Variants in STARD13 observed in about 807,000 individuals in gnomAD.
STARD13 encodes stAR-related lipid transfer protein 13.
In STARD13, 62 loss-of-function variants were observed where a neutral mutation model predicts 106.4. That is an observed-to-expected ratio of 0.58 (90% CI 0.48 to 0.72). The LOEUF (loss-of-function observed/expected upper bound fraction) is 0.72, where lower values mean the gene tolerates loss of function less well. Ranked by LOEUF, STARD13 falls within the 30% of genes least tolerant of loss-of-function variation. The pLI is 0.00. For synonymous variants in STARD13, 565 were observed against 553.0 expected (o/e 1.02, Z -0.31); for missense variants, 1,387 against 1,424.0 (o/e 0.97, Z 0.42).
chr13:33,605,707 A>G, the STARD13 span, among the ~76,000 whole-genome samples: 5 of 152,146 alleles, frequency 3.3e-5, no homozygotes, highest in African/African-American at 1.2e-4. Flanking sequence ...ACTGTGCATA[A>G]TATTTTCATA....
At chr13:33,304,320 G>A (rs1216174817) in intron 1 of STARD13, among the ~76,000 whole-genome samples, 1 of 151,970 alleles carries the variant, frequency 6.6e-6, no homozygotes, top group Non-Finnish European at 1.5e-5. Flanking sequence ...TTCATTTAGA[G>A]GGCTTTTAGT....
chr13:33,163,723 CAT>C (rs767139550), intron 3 of STARD13, among the ~76,000 whole-genome samples: 5 of 54,890 alleles, frequency 9.1e-5, no homozygotes, highest in South Asian at 7.7e-4. Flanking sequence ...ATATATATAA[CAT>C]ATATAAAACA....
the STARD13 span, among the ~76,000 whole-genome samples, chr13:33,647,851 G>C: frequency 1.4e-4 from 22 of 151,984 alleles, no homozygotes; most frequent in African/African-American, 4.8e-4. Flanking sequence ...TTACATTGTT[G>C]TGTATAAATA....
chr13:33,447,154 C>T, the STARD13 span, among the ~76,000 whole-genome samples: 2 of 151,548 alleles, frequency 1.3e-5, no homozygotes, highest in Non-Finnish European at 2.9e-5. Flanking sequence ...AACAAGGATC[C>T]AAGGAATTTT....
At chr13:33,116,607 T>C (rs745306165) in intron 8 of STARD13, among the ~76,000 whole-genome samples, 17 of 152,250 alleles carry the variant, frequency 1.1e-4, no homozygotes, top group Non-Finnish European at 2.1e-4. Context: ...AATGTGGCTT[T>C]AGCCTTAGAC....
chr13:33,181,486 T>C (rs1885232310), intron 1 of STARD13, among the ~76,000 whole-genome samples: 1 of 152,208 alleles, frequency 6.6e-6, no homozygotes, highest in South Asian at 2.1e-4. Flanking sequence ...ATTTAGTATG[T>C]TGACTGAATG....
chr13:33,177,695 G>A (rs1254819333), intron 1 of STARD13, among the ~76,000 whole-genome samples: 1 of 149,936 alleles, frequency 6.7e-6, no homozygotes, highest in Non-Finnish European at 1.5e-5. Context: ...AAAAGAAAAC[G>A]AAAGTAATGG....
chr13:33,548,491 C>T, the STARD13 span, among the ~76,000 whole-genome samples: 1 of 152,090 alleles, frequency 6.6e-6, no homozygotes, highest in Admixed American at 6.6e-5. Flanking sequence ...AATGTGATGC[C>T]TGATTCATAA....
At chr13:33,243,589 T>C (rs1324641690) in intron 1 of STARD13, among the ~76,000 whole-genome samples, 2 of 152,182 alleles carry the variant, frequency 1.3e-5, no homozygotes, top group Non-Finnish European at 2.9e-5. Flanking sequence ...GTGTGAAGGA[T>C]GAACCATAAA....
chr13:33,180,685 T>A (rs147832800), intron 1 of STARD13, among the ~76,000 whole-genome samples: 1,993 of 152,302 alleles, frequency 0.013, 37 homozygotes, highest in African/African-American at 0.045. Context: ...ATGCTAGGTG[T>A]ATATTCAGGG....
the STARD13 span, among the ~76,000 whole-genome samples, chr13:33,610,209 A>C: frequency 3.5e-4 from 53 of 152,322 alleles, no homozygotes; most frequent in African/African-American, 1.3e-3. Flanking sequence ...AAAAATAAGA[A>C]AAATCACGTG....
rs532253365 is a variant in STARD13, at chr13:33,320,955, ATGAGT to A, written c.124+29330_124+29334del. On this transcript the variant is annotated intron_variant, in intron 1 of 5. Transcript: ENST00000567873. ...ATTAACATATCATTGAAGGTTAGCCATGAGTTCTGGATGTATATTAATAATTTCTA... is the reference window on the plus strand; with the variant it reads ...ATTAACATATCATTGAAGGTTAGCCATCTGGATGTATATTAATAATTTCTA... 1.2e-4 allele frequency among the ~76,000 whole-genome samples: 19 copies of A among 152,360 alleles called. 1 individual carries two copies. In the South Asian group the frequency reaches 3.7e-3, roughly 30 times the overall value.
At chr13:33,413,440 G>C in the STARD13 span, among the ~76,000 whole-genome samples, 1 of 152,008 alleles carries the variant, frequency 6.6e-6, no homozygotes, top group Non-Finnish European at 1.5e-5. Flanking sequence ...ATTGAAAATA[G>C]AAAAACCATA....
chr13:33,154,714 G>A (rs1222223996), intron 3 of STARD13, among the ~76,000 whole-genome samples: 1 of 152,156 alleles, frequency 6.6e-6, no homozygotes, highest in Non-Finnish European at 1.5e-5. Context: ...TTGGAAAATT[G>A]AGTGGGGTGT....
chr13:33,106,696 A>T (rs1344565647), intron 13 of STARD13, 62 bp downstream of exon 13: 8 of 1,434,802 alleles, frequency 5.6e-6, no homozygotes, highest in East Asian at 2.4e-5. Context: ...TCCCTGCTGG[A>T]TGTGCTGTAC....
the STARD13 span, among the ~76,000 whole-genome samples, chr13:33,430,848 G>T: frequency 5.3e-5 from 8 of 152,166 alleles, no homozygotes; most frequent in African/African-American, 1.9e-4. Context: ...TCTCACTCAT[G>T]TGGGAGCTAA....
the STARD13 span, among the ~76,000 whole-genome samples, chr13:33,674,051 G>T: frequency 6.6e-6 from 1 of 151,832 alleles, no homozygotes; most frequent in East Asian, 1.9e-4. Flanking sequence ...GTAGAGACAG[G>T]GTTTCACCAT....
At chr13:33,219,886 C>T (rs1419013909) in intron 1 of STARD13, among the ~76,000 whole-genome samples, 1 of 151,726 alleles carries the variant, frequency 6.6e-6, no homozygotes, top group Admixed American at 6.6e-5. Context: ...ACTGCAGATT[C>T]CAGACTGAAA....
the STARD13 span, among the ~76,000 whole-genome samples, chr13:33,467,488 T>C: frequency 6.6e-6 from 1 of 152,172 alleles, no homozygotes; most frequent in Non-Finnish European, 1.5e-5. Context: ...ATGCAGTTCC[T>C]AACAGGCCAT....
Sources: gnomAD v4.1 joint callset for allele counts (sites outside exome capture counted in the v4.1 genomes callset) on GRCh38, gnomAD v4.1.1 for gene constraint, MANE v1.5 for transcripts, NCBI Gene and HGNC (gene_info 2026-07-23, HGNC 2026-07-21) for gene names.